MFAP3: variants seen among roughly 807,000 people sequenced by gnomAD.
MFAP3 encodes microfibril associated protein 3, also known as microfibril-associated glycoprotein 3.
In MFAP3, 8 loss-of-function variants were observed where a neutral mutation model predicts 20.5. That is an observed-to-expected ratio of 0.39 (90% confidence interval 0.23 to 0.70). The LOEUF (loss-of-function observed/expected upper bound fraction) is 0.70. Ranked by LOEUF, MFAP3 falls within the 30% of genes least tolerant of loss-of-function variation. The pLI, the probability that MFAP3 is intolerant of heterozygous loss-of-function variation, is 0.44. For synonymous variants in MFAP3, 140 were observed against 154.0 expected (o/e 0.91, Z 0.67); for missense variants, 398 against 444.6 (o/e 0.90, Z 0.94).
chr5:154,044,724 C>G (rs1773036530), intron 1 of MFAP3, among the ~76,000 whole-genome samples: 1 of 152,130 alleles, frequency 6.6e-6, no homozygotes, highest in African/African-American at 2.4e-5. Flanking sequence ...GCCACATGGG[C>G]AGTTTGCTTG....
intron 1 of MFAP3, among the ~76,000 whole-genome samples, chr5:154,048,132 C>T (rs1036513011): frequency 3.3e-5 from 5 of 152,176 alleles, no homozygotes; most frequent in African/African-American, 1.2e-4. Context: ...AGAAGCAAAT[C>T]ACTGTGCACT....
intron 1 of MFAP3, among the ~76,000 whole-genome samples, chr5:154,047,575 G>A (rs1773097113): frequency 1.3e-5 from 2 of 152,166 alleles, no homozygotes; most frequent in Admixed American, 6.5e-5. Context: ...TCAGCAGGCA[G>A]TAGTATCTCT....
rs751419068 is a variant in MFAP3, at chr5:154,053,214, A to G, written c.590A>G (p.Gln197Arg). ...FFRTEGAEKL[Q>R]KAFEIAKRIP... ...AGAACTGAAGGGGCTGAGAAACTTC[A>G]GAAGGCCTTTGAGATTGCAAAACGT... Residue 197 changes from glutamine to arginine, a missense_variant, in exon 3 of 3, where the codon CAG becomes CGG. Coordinates refer to ENST00000522782, the MANE Select transcript of MFAP3 (RefSeq NM_005927.5). 6.2e-7 allele frequency: 1 copy of G among 1,613,978 alleles called. No individual in the cohort carries two copies. Among genetic ancestry groups the G allele is most frequent in the South Asian group, 1.1e-5 (1 of 91,078 alleles).
intron 1 of MFAP3, among the ~76,000 whole-genome samples, chr5:154,042,166 A>C (rs1363477858): frequency 1.3e-5 from 2 of 152,240 alleles, no homozygotes; most frequent in East Asian, 1.9e-4. Flanking sequence ...GTTCTGTTTT[A>C]ACTAGACTGA....
rs1217911312 is a variant in MFAP3, at chr5:154,053,789, C to G, written c.*76C>G. 3.6e-6 allele frequency: 5 copies of G among 1,387,996 alleles called. No individual in the cohort carries two copies. Among genetic ancestry groups the G allele is most frequent in the Middle Eastern group, 1.9e-4 (1 of 5,382 alleles). 86.0% of individuals were successfully genotyped at this position (1,387,996 alleles called of 1,614,324 possible). On this transcript the variant is annotated 3_prime_UTR_variant, in exon 3 of 3. Coordinates refer to ENST00000522782, the MANE Select transcript of MFAP3 (RefSeq NM_005927.5). ...GGAACCTGTTTCTTAGAAGAAGTAACATTTTTGCCAAAAGATGACTGGGGT... is the reference window on the plus strand; with the variant it reads ...GGAACCTGTTTCTTAGAAGAAGTAAGATTTTTGCCAAAAGATGACTGGGGT...
chr5:154,041,077 A>C (rs926746768), intron 1 of MFAP3, among the ~76,000 whole-genome samples: 13 of 152,250 alleles, frequency 8.5e-5, no homozygotes, highest in Admixed American at 6.5e-4. Flanking sequence ...TGCTAAGAGG[A>C]AAACTGATAA....
intron 2 of MFAP3, among the ~76,000 whole-genome samples, chr5:154,051,121 G>A (rs1366999958): frequency 6.6e-6 from 1 of 152,176 alleles, no homozygotes; most frequent in African/African-American, 2.4e-5. Flanking sequence ...TTTTTAATCA[G>A]CATGTTTAAA....
At chr5:154,044,368 T>G (rs956759344) in intron 1 of MFAP3, among the ~76,000 whole-genome samples, 2 of 152,228 alleles carry the variant, frequency 1.3e-5, no homozygotes, top group Non-Finnish European at 2.9e-5. Flanking sequence ...CCTCACTATT[T>G]TTTTCTGCTT....
chr5:154,052,001 G>C (rs1773202897), intron 2 of MFAP3: 1 of 152,116 alleles, frequency 6.6e-6, no homozygotes, highest in Non-Finnish European at 1.5e-5. Flanking sequence ...AGAGTGCTTT[G>C]GGAATGTATC....
In MFAP3 at chr5:154,053,612, G is replaced by A; in HGVS notation, c.988G>A (p.Glu330Lys). 6.2e-7 allele frequency: 1 copy of A among 1,613,934 alleles called. No individual in the cohort carries two copies. The highest frequency in any genetic ancestry group is 8.5e-7 in the Non-Finnish European group (1 of 1,179,894). ...GTCAGAAACCAAAAGTATTGATACA[G>A]AGTCTCAAGGCAGCAGTCATTTCAG... ...LQSETKSIDT[E>K]SQGSSHFSPP... The change falls in exon 3 of 3, where the codon GAG becomes AAG. Residue 330 changes from glutamate to lysine, a missense_variant. Coordinates refer to ENST00000522782, the MANE Select transcript of MFAP3 (RefSeq NM_005927.5).
chr5:154,044,731 C>T (rs1354631691), intron 1 of MFAP3, among the ~76,000 whole-genome samples: 1 of 152,108 alleles, frequency 6.6e-6, no homozygotes, highest in Non-Finnish European at 1.5e-5. Context: ...GGGCAGTTTG[C>T]TTGCCACACT....
intron 1 of MFAP3, among the ~76,000 whole-genome samples, chr5:154,048,636 A>G (rs916890820): frequency 1.3e-5 from 2 of 152,176 alleles, no homozygotes; most frequent in Non-Finnish European, 2.9e-5. Flanking sequence ...TCAAATTACC[A>G]GGAAGGTGAT....
intron 1 of MFAP3, among the ~76,000 whole-genome samples, chr5:154,046,549 G>A (rs955733258): frequency 6.6e-6 from 1 of 152,168 alleles, no homozygotes; most frequent in Non-Finnish European, 1.5e-5. Flanking sequence ...GCTCTGGGGT[G>A]AAGGAGAAGC....
intron 1 of MFAP3, among the ~76,000 whole-genome samples, chr5:154,043,655 A>G (rs1470374961): frequency 6.6e-6 from 1 of 152,092 alleles, no homozygotes; most frequent in Non-Finnish European, 1.5e-5. Flanking sequence ...AGAAGGTGAC[A>G]CTTTGGTTTT....
chr5:154,042,888 CA>C (rs1772988803), intron 1 of MFAP3, among the ~76,000 whole-genome samples: 1 of 151,890 alleles, frequency 6.6e-6, no homozygotes, highest in African/African-American at 2.4e-5. Context: ...TGCATTTTCC[CA>C]GAACTATTTC....
chr5:154,052,047 T>C (rs191603737), intron 2 of MFAP3: 1 of 152,296 alleles, frequency 6.6e-6, no homozygotes, highest in Admixed American at 6.5e-5. Flanking sequence ...AGCCAAGTTA[T>C]TGAAGGATGT....
intron 2 of MFAP3, among the ~76,000 whole-genome samples, chr5:154,051,336 C>G (rs1399289450): frequency 6.6e-6 from 1 of 152,134 alleles, no homozygotes; most frequent in Non-Finnish European, 1.5e-5. Flanking sequence ...TAAAACAAGA[C>G]CAGCCAAGTG....
rs1344473419 is a variant in MFAP3, at chr5:154,056,738, G to A, written c.*3025G>A. 6.6e-6 allele frequency among the ~76,000 whole-genome samples: 1 copy of A among 152,130 alleles called. No homozygotes were observed. Among genetic ancestry groups the A allele is most frequent in the African/African-American group, 2.4e-5 (1 of 41,406 alleles). On this transcript the variant is annotated 3_prime_UTR_variant, in exon 3 of 3. Coordinates refer to ENST00000522782, the MANE Select transcript of MFAP3 (RefSeq NM_005927.5). ...GAAGCCAGATAGACAGGTATTAATT[G>A]AGCTGATGCCCCACTTGAGTTTATA...
chr5:154,046,445 G>A (rs529953685), intron 1 of MFAP3, among the ~76,000 whole-genome samples: 3 of 152,246 alleles, frequency 2.0e-5, no homozygotes, highest in East Asian at 3.9e-4. Flanking sequence ...AAAAATATAG[G>A]CCTTGTTCTT....
Sources: allele counts gnomAD v4.1 joint callset (sites outside exome capture counted in the v4.1 genomes callset), GRCh38; gene constraint gnomAD v4.1.1; transcripts MANE v1.5; gene names NCBI Gene and HGNC (gene_info 2026-07-23, HGNC 2026-07-21).